Variants in KPNA4 observed in about 807,000 individuals in gnomAD.
KPNA4 encodes the protein importin subunit alpha-3.
KPNA4 carries 13 observed loss-of-function variants against 71.3 expected under a neutral mutation model. The observed-to-expected ratio is 0.18, with a 90% confidence interval of 0.12 to 0.29. KPNA4 has a LOEUF of 0.29. Among genes scored for constraint, KPNA4 ranks in the 10% least tolerant of loss-of-function variants. KPNA4 has a pLI of 1.00. For synonymous variants in KPNA4, 189 were observed against 195.2 expected, an observed-to-expected ratio of 0.97 and a Z score of 0.26; for missense variants, 334 against 603.2, an observed-to-expected ratio of 0.55 and a Z score of 4.67.
chr3:160,517,962 G>C (rs962959101), intron 11 of KPNA4, among the ~76,000 whole-genome samples: 4 of 152,114 alleles, frequency 2.6e-5, no homozygotes, highest in Non-Finnish European at 5.9e-5. Context: ...ACACAAGTTT[G>C]TAAGTTTTGT....
intron 16 of KPNA4, among the ~76,000 whole-genome samples, chr3:160,504,063 C>T (rs976959101): frequency 3.4e-4 from 51 of 151,692 alleles, no homozygotes; most frequent in African/African-American, 1.2e-3. Context: ...CAGCCTGGGC[C>T]CCGTCTTTAA....
At chr3:160,507,995 G>GT in intron 15 of KPNA4, 112 bp downstream of exon 15, 1 of 797,648 alleles carries the variant, frequency 1.3e-6, no homozygotes, top group Non-Finnish European at 1.9e-6. Flanking sequence ...ACTTTATTCT[G>GT]TTACTTGAAT....
At chr3:160,526,906 T>C (rs1011280282) in intron 8 of KPNA4, among the ~76,000 whole-genome samples, 2 of 152,224 alleles carry the variant, frequency 1.3e-5, no homozygotes, top group Non-Finnish European at 1.5e-5. Flanking sequence ...ATCTAACATT[T>C]GGTATAAAAG....
chr3:160,524,676 T>C (rs1721426959), intron 10 of KPNA4, among the ~76,000 whole-genome samples: 1 of 152,122 alleles, frequency 6.6e-6, no homozygotes, highest in Non-Finnish European at 1.5e-5. Flanking sequence ...AATATTGAAA[T>C]TCACAATTTA....
At chr3:160,558,751 CTT>C (rs79683816) in intron 1 of KPNA4, among the ~76,000 whole-genome samples, 1 of 151,894 alleles carries the variant, frequency 6.6e-6, no homozygotes. Context: ...AATACTAATA[CTT>C]TTTTTAAAAA....
chr3:160,556,506 T>C (rs1476038293), intron 1 of KPNA4, among the ~76,000 whole-genome samples: 1 of 152,212 alleles, frequency 6.6e-6, no homozygotes, highest in Non-Finnish European at 1.5e-5. Context: ...TTGGTCTTAA[T>C]TAAACTTTTC....
Position 160,499,061 on chromosome 3 carries a change from T to G in KPNA4, c.*3043A>C, listed in dbSNP as rs890175578. On this transcript the variant is annotated 3_prime_UTR_variant, in exon 17 of 17. Coordinates refer to ENST00000334256, the MANE Select transcript of KPNA4 (RefSeq NM_002268.5). ...TAAAGAAACAAACAACTCCTCACCC[T>G]ATGAAGTGCTGCTGAGGTAAGCCTA... 1 of 152,182 alleles carries G rather than the reference T, an allele frequency of 6.6e-6. No homozygotes were observed. The highest frequency in any genetic ancestry group is 6.5e-5 in the Admixed American group (1 of 15,270). The allele number at this position is 152,182 out of a possible 1,614,324, so 9.4% of individuals were successfully genotyped here.
chr3:160,498,283 C>T lies in KPNA4; in HGVS notation c.*3821G>A, dbSNP rs1460316594. The T allele has an allele frequency of 6.6e-6, 1 of 152,188 alleles. No homozygotes were observed. The highest frequency in any genetic ancestry group is 2.4e-5 in the African/African-American group (1 of 41,436). The allele number at this position is 152,188 out of a possible 1,614,324, so 9.4% of individuals were successfully genotyped here. Reference sequence around the variant, plus strand: ...GGTTCTCAGAGGCAACCTTGATCCCCAAATAAGCTTGCTATGATAACTATA... The same window carrying T: ...GGTTCTCAGAGGCAACCTTGATCCCTAAATAAGCTTGCTATGATAACTATA... On this transcript the variant is annotated 3_prime_UTR_variant, in exon 17 of 17. Coordinates refer to ENST00000334256, the MANE Select transcript of KPNA4 (RefSeq NM_002268.5).
intron 1 of KPNA4, among the ~76,000 whole-genome samples, chr3:160,538,103 C>G (rs1429040620): frequency 6.7e-6 from 1 of 150,306 alleles, no homozygotes; most frequent in African/African-American, 2.4e-5. Flanking sequence ...CAGACACACA[C>G]ACACACTATA....
At chr3:160,551,951 G>GA (rs1446287844) in intron 1 of KPNA4, among the ~76,000 whole-genome samples, 1 of 136,872 alleles carries the variant, frequency 7.3e-6, no homozygotes, top group Non-Finnish European at 1.6e-5. Flanking sequence ...GGGGGGGGGG[G>GA]GTGATGTGCT....
Position 160,495,113 on chromosome 3 carries a change from T to G in KPNA4, c.*6991A>C, listed in dbSNP as rs1187686070. 6.6e-6 allele frequency: 1 copy of G among 152,156 alleles called. No homozygotes were observed. Among genetic ancestry groups the G allele is most frequent in the Non-Finnish European group, 1.5e-5 (1 of 68,042 alleles). 9.4% of individuals were successfully genotyped at this position (152,156 alleles called of 1,614,324 possible). ...CCTTGCCCTTAAGGAGCTTACAATC[T>G]AGTGGAAAGAAAGACGGAGAAACTC... On this transcript the variant is annotated 3_prime_UTR_variant, in exon 17 of 17. Transcript: ENST00000334256.
chr3:160,507,853 A>G (rs546067534), intron 15 of KPNA4, among the ~76,000 whole-genome samples: 1 of 152,348 alleles, frequency 6.6e-6, no homozygotes, highest in East Asian at 1.9e-4. Context: ...CCTTGAGGGC[A>G]AGGACTGTGT....
chr3:160,548,099 T>A (rs753745384), intron 1 of KPNA4, among the ~76,000 whole-genome samples: 43 of 152,210 alleles, frequency 2.8e-4, no homozygotes, highest in Admixed American at 1.2e-3. Flanking sequence ...TTCAGTTTTG[T>A]ACTGCCTCTC....
Position 160,502,031 on chromosome 3 carries a change from T to C in KPNA4, c.*73A>G. 9.7e-6 allele frequency: 4 copies of C among 412,268 alleles called. No individual in the cohort carries two copies. The highest frequency in any genetic ancestry group is 5.1e-5 in the East Asian group (1 of 19,674). 25.5% of individuals were successfully genotyped at this position (412,268 alleles called of 1,614,324 possible). ...ACCTTTTTATATATATGTATATATA[T>C]ATATATATACACACACACATATATA... is the stretch of plus-strand genomic sequence containing the variant. On this transcript the variant is annotated 3_prime_UTR_variant, in exon 17 of 17. Coordinates refer to ENST00000334256, the MANE Select transcript of KPNA4 (RefSeq NM_002268.5).
intron 16 of KPNA4, among the ~76,000 whole-genome samples, chr3:160,503,395 A>T (rs911099074): frequency 4.2e-4 from 64 of 152,200 alleles, no homozygotes; most frequent in African/African-American, 1.5e-3. Flanking sequence ...GAACATTTTG[A>T]ATTTCAGATG....
rs1280234315 is a variant in KPNA4 at position 160,501,226 on chromosome 3, T to C, written c.*878A>G. 1 of 151,284 alleles carries C rather than the reference T, an allele frequency of 6.6e-6. No homozygotes were observed. Among genetic ancestry groups the C allele is most frequent in the African/African-American group, 2.4e-5 (1 of 40,854 alleles). The allele number at this position is 151,284 out of a possible 1,614,324, so 9.4% of individuals were successfully genotyped here. On this transcript the variant is annotated 3_prime_UTR_variant, in exon 17 of 17. Transcript: ENST00000334256. The stretch of plus-strand genomic sequence containing the variant: ...ACAGGGAAACCTTCCTGAAAAGTTT[T>C]CTGACTTGAGAAGCAACTAAAAAAA...
chr3:160,523,228 T>C (rs1721391251), intron 10 of KPNA4, among the ~76,000 whole-genome samples: 1 of 152,142 alleles, frequency 6.6e-6, no homozygotes, highest in South Asian at 2.1e-4. Context: ...CCCAGCACTT[T>C]GGGAGACCAA....
chr3:160,538,254 AAATGT>A (rs565565444), intron 1 of KPNA4, among the ~76,000 whole-genome samples: 101 of 152,072 alleles, frequency 6.6e-4, no homozygotes, highest in African/African-American at 2.3e-3. Flanking sequence ...AAATATAAAA[AAATGT>A]AATGTAAGTG....
At chr3:160,541,077 A>G (rs1721787923) in intron 1 of KPNA4, among the ~76,000 whole-genome samples, 1 of 152,188 alleles carries the variant, frequency 6.6e-6, no homozygotes, top group Non-Finnish European at 1.5e-5. Context: ...GGGACTAAAC[A>G]CTTACCCTGC....
Sources: gnomAD v4.1 joint callset for allele counts (sites outside exome capture counted in the v4.1 genomes callset) on GRCh38, gnomAD v4.1.1 for gene constraint, MANE v1.5 for transcripts, NCBI Gene and HGNC (gene_info 2026-07-23, HGNC 2026-07-21) for gene names.